Variants in PIGN observed in about 807,000 individuals in gnomAD.
PIGN encodes the protein GPI ethanolamine phosphate transferase 1.
PIGN carries 117 observed loss-of-function variants against 125.4 expected under a neutral mutation model. The ratio of observed to expected loss-of-function variants is 0.93; its 90% CI spans 0.80 to 1.09. The LOEUF (loss-of-function observed/expected upper bound fraction) is 1.09. Among genes scored for constraint, PIGN ranks in the 50% least tolerant of loss-of-function variants. PIGN has a pLI of 0.00. For synonymous variants in PIGN, 392 were observed against 377.8 expected (o/e 1.04, Z -0.44); for missense variants, 1,075 against 1,094.9 (o/e 0.98, Z 0.26).
rs1283371531 is a variant in PIGN, at chr18:62,113,215, A to G, written c.1353T>C (p.Phe451=). 28 of 1,612,972 alleles carry G rather than the reference A, an allele frequency of 1.7e-5. No individual in the cohort carries two copies. Among genetic ancestry groups the G allele is most frequent in the Non-Finnish European group, 2.4e-5 (28 of 1,179,436 alleles). The change falls in exon 16 of 31, where the codon TTT becomes TTC. Residue 451 remains phenylalanine, a synonymous_variant. Transcript: ENST00000640252. ...AAGAGGCATAAGATATCCATCCCAC[A>G]AAACCAATAACAACATTGACGCCCA... ...FFLGVNVVIG[F]VGWISYASLL...
At chr18:62,081,218 A>C (rs528017241) in intron 28 of PIGN, among the ~76,000 whole-genome samples, 275 of 152,244 alleles carry the variant, frequency 1.8e-3, no homozygotes, top group African/African-American at 6.3e-3. Flanking sequence ...TAAGAAAATG[A>C]TTAGCAATAT....
At chr18:62,135,930 A>C (rs2035915977) in intron 14 of PIGN, 2 of 152,150 alleles carry the variant, frequency 1.3e-5, no homozygotes, top group African/African-American at 4.8e-5. Flanking sequence ...CATAAAAGGA[A>C]TTGATAATGT....
intron 23 of PIGN, among the ~76,000 whole-genome samples, chr18:62,093,559 G>A (rs926755864): frequency 6.6e-6 from 1 of 151,884 alleles, no homozygotes; most frequent in African/African-American, 2.4e-5. Flanking sequence ...AATTTCAAAG[G>A]GAAATGTTTA....
chr18:62,085,129 G>A, intron 26 of PIGN, 80 bp downstream of exon 26: 1 of 784,496 alleles, frequency 1.3e-6, no homozygotes, highest in Non-Finnish European at 2.1e-6. Flanking sequence ...AAAATAATAA[G>A]GTACAGAACA....
At chr18:62,051,536 T>C (rs1331087293) in intron 30 of PIGN, among the ~76,000 whole-genome samples, 1 of 152,216 alleles carries the variant, frequency 6.6e-6, no homozygotes, top group East Asian at 1.9e-4. Flanking sequence ...TTCTGTGGGA[T>C]TGGTGGTGAT....
At chr18:62,028,067 C>T (rs1212691760) in intron 23 of PIGN, among the ~76,000 whole-genome samples, 1 of 152,234 alleles carries the variant, frequency 6.6e-6, no homozygotes, top group Non-Finnish European at 1.5e-5. Flanking sequence ...AAGGCTGCTG[C>T]AAGCACTGGG....
chr18:62,130,931 G>GT (rs1568209980), intron 14 of PIGN, among the ~76,000 whole-genome samples: 1 of 151,986 alleles, frequency 6.6e-6, no homozygotes, highest in Non-Finnish European at 1.5e-5. Flanking sequence ...ATATAGAATC[G>GT]TATCACCCTT....
At chr18:62,032,678 T>C (rs2030208089) in intron 23 of PIGN, among the ~76,000 whole-genome samples, 2 of 152,248 alleles carry the variant, frequency 1.3e-5, no homozygotes, top group Admixed American at 1.3e-4. Flanking sequence ...AAAAGTCTCA[T>C]TGTTTACTAG....
Position 62,070,487 on chromosome 18 carries a change from C to G in PIGN, c.2672+2186G>C, listed in dbSNP as rs901324467. The G allele has an allele frequency of 1.8e-4, 72 of 398,472 alleles. 1 individual carries two copies. Among genetic ancestry groups the G allele is most frequent in the Non-Finnish European group, 6.6e-5 (15 of 225,992 alleles). The allele number at this position is 398,472 out of a possible 1,614,324, so 24.7% of individuals were successfully genotyped here. A position where few individuals can be genotyped will look rare whatever the true frequency, so the allele number is the denominator to read the frequency against. On this transcript the variant is annotated intron_variant, in intron 30 of 30. Transcript: ENST00000640252. ...GCAGATATGTACATAAATAACCAGG[C>G]AGTACATGCCAGGAGTTGCCTAAGA...
chr18:62,169,930 A>C (rs2037292362), intron 1 of PIGN, among the ~76,000 whole-genome samples: 1 of 152,126 alleles, frequency 6.6e-6, no homozygotes, highest in South Asian at 2.1e-4. Flanking sequence ...GCCATGTTTA[A>C]CTTTTTCAGA....
chr18:62,072,649 A>G, intron 30 of PIGN, 24 bp downstream of exon 30: 1 of 1,565,810 alleles, frequency 6.4e-7, no homozygotes, highest in Admixed American at 1.7e-5. Context: ...GTTGTTAAGC[A>G]ATGCATGACC....
At chr18:62,162,399 T>C (rs928666095) in intron 2 of PIGN, 70 bp from the exon 3 acceptor site, 10 of 152,066 alleles carry the variant, frequency 6.6e-5, no homozygotes, top group South Asian at 4.1e-4. Context: ...ATTAGCTACA[T>C]ATAGTGATCC....
intron 14 of PIGN, among the ~76,000 whole-genome samples, chr18:62,116,857 G>T (rs1434645450): frequency 6.6e-6 from 1 of 151,638 alleles, no homozygotes; most frequent in South Asian, 2.1e-4. Context: ...AAAATAAAAA[G>T]AAAGGAAAAA....
intron 14 of PIGN, among the ~76,000 whole-genome samples, chr18:62,128,682 A>G (rs1007459070): frequency 2.0e-5 from 3 of 152,198 alleles, no homozygotes; most frequent in Admixed American, 6.6e-5. Context: ...TCACATTACA[A>G]AAGTGGGTTT....
chr18:62,083,686 G>A (rs576193729), intron 27 of PIGN, among the ~76,000 whole-genome samples: 6 of 151,794 alleles, frequency 4.0e-5, no homozygotes, highest in Non-Finnish European at 5.9e-5. Context: ...TAATAAACTG[G>A]GAAAAAAAAC....
chr18:62,157,868 G>C, intron 4 of PIGN, 60 bp from the exon 5 acceptor site: 1 of 1,443,964 alleles, frequency 6.9e-7, no homozygotes, highest in East Asian at 2.4e-5. Flanking sequence ...CTCACATAAA[G>C]CTTTAGAAAC....
chr18:62,067,031 C>T (rs564678845), intron 30 of PIGN, among the ~76,000 whole-genome samples: 26 of 152,138 alleles, frequency 1.7e-4, no homozygotes, highest in Non-Finnish European at 3.7e-4. Flanking sequence ...TTCTCTTTAG[C>T]TTTTATCAGT....
intron 17 of PIGN, among the ~76,000 whole-genome samples, chr18:62,108,487 C>T (rs191032798): frequency 1.4e-3 from 219 of 152,136 alleles, no homozygotes; most frequent in Middle Eastern, 6.8e-3. Flanking sequence ...CAACCCTATT[C>T]CTTTCAAATG....
chr18:62,053,800 A>G (rs1197101506), intron 30 of PIGN, among the ~76,000 whole-genome samples: 1 of 152,220 alleles, frequency 6.6e-6, no homozygotes, highest in East Asian at 1.9e-4. Flanking sequence ...AGCAGAATAC[A>G]TGCTCTTTTC....
Sources: gnomAD v4.1 joint callset for allele counts (sites outside exome capture counted in the v4.1 genomes callset) on GRCh38, gnomAD v4.1.1 for gene constraint, MANE v1.5 for transcripts, NCBI Gene and HGNC (gene_info 2026-07-23, HGNC 2026-07-21) for gene names.